The following RALGPS1 variants were observed in gnomAD, a reference collection of about 807,000 sequenced individuals.
The protein encoded by RALGPS1 is ras-specific guanine nucleotide-releasing factor RalGPS1.
A neutral mutation model predicts 78.8 loss-of-function variants in RALGPS1; 19 were observed. The ratio of observed to expected loss-of-function variants is 0.24; its 90% CI spans 0.17 to 0.35. The LOEUF (loss-of-function observed/expected upper bound fraction) is 0.35, where lower values mean the gene tolerates loss of function less well. RALGPS1 is among the 10% of genes least tolerant of loss of function. The probability of loss-of-function intolerance (pLI) is 1.00; values close to 1 mark genes in which losing one functional copy is unlikely to be tolerated. For missense variants in RALGPS1, 454 were observed against 688.3 expected, an observed-to-expected ratio of 0.66 and a Z score of 3.81; for synonymous variants, 228 against 256.3, an observed-to-expected ratio of 0.89 and a Z score of 1.06.
At chr9:126,930,445 T>A (rs989871508) in intron 1 of RALGPS1, among the ~76,000 whole-genome samples, 3 of 152,190 alleles carry the variant, frequency 2.0e-5, no homozygotes, top group African/African-American at 7.2e-5. Flanking sequence ...AATATTTATT[T>A]ATTTTTAATT....
chr9:127,069,952 A>G (rs898845379), intron 8 of RALGPS1: 1 of 152,212 alleles, frequency 6.6e-6, no homozygotes, highest in East Asian at 1.9e-4. Flanking sequence ...TTTCGATGCT[A>G]TGACTCATTC....
intron 8 of RALGPS1, chr9:127,123,033 C>CGCGT (rs2137829737): frequency 6.6e-6 from 1 of 152,566 alleles, no homozygotes; most frequent in South Asian, 2.1e-4. Context: ...TGCGTGCAGC[C>CGCGT]GCGTGCGAGC....
intron 10 of RALGPS1, among the ~76,000 whole-genome samples, chr9:127,172,523 T>C (rs1029717181): frequency 6.6e-6 from 1 of 152,220 alleles, no homozygotes; most frequent in African/African-American, 2.4e-5. Context: ...ATTTCGTGGC[T>C]TCTCTCTTCC....
intron 8 of RALGPS1, among the ~76,000 whole-genome samples, chr9:127,083,319 A>C (rs989042244): frequency 6.6e-6 from 1 of 152,336 alleles, no homozygotes; most frequent in Non-Finnish European, 1.5e-5. Flanking sequence ...TGGATCCTCT[A>C]TCTGGGAGCC....
At chr9:126,973,176 T>G (rs2132506772) in intron 3 of RALGPS1, among the ~76,000 whole-genome samples, 2 of 152,194 alleles carry the variant, frequency 1.3e-5, no homozygotes, top group East Asian at 3.9e-4. Context: ...GAGATCAGCC[T>G]GGGCAACAGA....
At chr9:126,983,129 G>T (rs2041479680) in intron 4 of RALGPS1, among the ~76,000 whole-genome samples, 1 of 151,594 alleles carries the variant, frequency 6.6e-6, no homozygotes, top group Admixed American at 6.6e-5. Flanking sequence ...TAGAGATGGG[G>T]TTTCACCACG....
chr9:127,203,522 G>A (rs371168315), intron 14 of RALGPS1, among the ~76,000 whole-genome samples: 1 of 152,174 alleles, frequency 6.6e-6, no homozygotes, highest in South Asian at 2.1e-4. Flanking sequence ...GGGATGGGGG[G>A]GTCCTTGGAA....
intron 5 of RALGPS1, among the ~76,000 whole-genome samples, chr9:127,047,464 C>G (rs1293547294): frequency 6.6e-6 from 1 of 151,938 alleles, no homozygotes; most frequent in Admixed American, 6.6e-5. Context: ...TTTGGGAGGC[C>G]GAGGCAGGTG....
intron 7 of RALGPS1, among the ~76,000 whole-genome samples, chr9:127,064,862 GATTT>G (rs1253341248): frequency 1.3e-5 from 2 of 150,752 alleles, no homozygotes; most frequent in African/African-American, 4.9e-5. Context: ...CATTTCCCTG[GATTT>G]ATTTATTTTT....
chr9:127,033,619 T>C (rs1272912824), intron 4 of RALGPS1, among the ~76,000 whole-genome samples: 1 of 152,232 alleles, frequency 6.6e-6, no homozygotes, highest in African/African-American at 2.4e-5. Context: ...CTTTGCTACC[T>C]TTCCTCTAGT....
chr9:127,047,759 G>A (rs544562016), intron 5 of RALGPS1, among the ~76,000 whole-genome samples: 1 of 150,692 alleles, frequency 6.6e-6, no homozygotes, highest in South Asian at 2.1e-4. Context: ...TTATGATGTT[G>A]GTCTATATGT....
Position 127,067,132 on chromosome 9 carries a change from T to C in RALGPS1, c.484-2098T>C, listed in dbSNP as rs145851722. Among the ~76,000 whole-genome samples the C allele has an allele frequency of 2.7e-3, 413 of 152,274 alleles. 2 individuals are homozygous for C. Among genetic ancestry groups the C allele is most frequent in the African/African-American group, 9.6e-3 (401 of 41,558 alleles). On this transcript the variant is annotated intron_variant, in intron 7 of 18. Coordinates refer to ENST00000259351, the MANE Select transcript of RALGPS1 (RefSeq NM_014636.3). ...TTGCTCCATTTTTACCACTGGGCTT[T>C]GTGAAGATTAGATGAGTTATATATT... is the stretch of plus-strand genomic sequence containing the variant.
intron 4 of RALGPS1, among the ~76,000 whole-genome samples, chr9:127,032,073 C>T (rs1464763259): frequency 1.3e-5 from 2 of 152,184 alleles, no homozygotes; most frequent in Non-Finnish European, 2.9e-5. Flanking sequence ...GCAGCGTGCC[C>T]CTGGGAAGAG....
chr9:127,048,069 A>G (rs181716194), intron 5 of RALGPS1, among the ~76,000 whole-genome samples: 119 of 152,092 alleles, frequency 7.8e-4, no homozygotes, highest in African/African-American at 2.8e-3. Flanking sequence ...GATCTCATCT[A>G]TCACCCTGCT....
chr9:127,088,767 C>G (rs370116348), intron 8 of RALGPS1: 3 of 717,704 alleles, frequency 4.2e-6, no homozygotes, highest in African/African-American at 3.6e-5. Context: ...CAGAAAACAC[C>G]GTATCGATTC....
At chr9:127,062,462 G>A (rs1479815983) in intron 7 of RALGPS1, among the ~76,000 whole-genome samples, 2 of 152,092 alleles carry the variant, frequency 1.3e-5, no homozygotes, top group Admixed American at 6.5e-5. Context: ...ACTTGTCAAA[G>A]GTTTTATTTA....
intron 5 of RALGPS1, among the ~76,000 whole-genome samples, chr9:127,037,378 G>A (rs2046951627): frequency 6.6e-6 from 1 of 152,204 alleles, no homozygotes; most frequent in Non-Finnish European, 1.5e-5. Flanking sequence ...CTCTCTTTGG[G>A]TCTCAGGACC....
At position 127,222,376 on chromosome 9, in the gene RALGPS1, G is replaced by A. The variant is rs1015830507; in HGVS notation, c.*3607G>A. On this transcript the variant is annotated 3_prime_UTR_variant, in exon 19 of 19. Transcript: ENST00000259351. ...GAGGCTGCTTGGCCCAGAAGAGCCA[G>A]GCACAGAGCTGCAGTTGGGCACGCC... is the stretch of plus-strand genomic sequence containing the variant. The A allele has an allele frequency of 6.6e-6, 1 of 152,258 alleles. No individual in the cohort carries two copies. Among genetic ancestry groups the A allele is most frequent in the Admixed American group, 6.5e-5 (1 of 15,288 alleles). The allele number at this position is 152,258 out of a possible 1,614,324, so 9.4% of individuals were successfully genotyped here. A position where few individuals can be genotyped will look rare whatever the true frequency, so the allele number is the denominator to read the frequency against.
chr9:127,003,112 C>G (rs916741175), intron 4 of RALGPS1, among the ~76,000 whole-genome samples: 2 of 152,138 alleles, frequency 1.3e-5, no homozygotes, highest in African/African-American at 4.8e-5. Flanking sequence ...GCACGAAAAC[C>G]TAGGCATTAC....
Sources: allele counts gnomAD v4.1 joint callset (sites outside exome capture counted in the v4.1 genomes callset), GRCh38; gene constraint gnomAD v4.1.1; transcripts MANE v1.5; gene names NCBI Gene and HGNC (gene_info 2026-07-23, HGNC 2026-07-21).